The following REPS2 variants were observed in gnomAD, a reference collection of about 807,000 sequenced individuals.
The protein encoded by REPS2 is RALBP1 associated Eps domain containing 2, also known as ralBP1-associated Eps domain-containing protein 2.
Under a neutral mutation model 53.6 loss-of-function variants are expected in REPS2, and 23 were observed. The observed-to-expected ratio is 0.43, with a 90% CI of 0.31 to 0.61. The LOEUF (loss-of-function observed/expected upper bound fraction) is 0.61, where lower values mean the gene tolerates loss of function less well. Ranked by LOEUF, REPS2 falls within the 20% of genes least tolerant of loss-of-function variation. The pLI, the probability that REPS2 is intolerant of heterozygous loss-of-function variation, is 0.11. For synonymous variants in REPS2, 238 were observed against 218.6 expected (o/e 1.09, Z -0.78); for missense variants, 446 against 534.9 (o/e 0.83, Z 1.64).
At chrX:16,953,838 A>G (rs750124308) in intron 1 of REPS2, among the ~76,000 whole-genome samples, 49 of 112,319 alleles carry the variant, frequency 4.4e-4, no homozygotes, top group Non-Finnish European at 8.1e-4. Context: ...GGACTGTTCG[A>G]AACGTGTATG....
chrX:17,107,788 T>G (rs1162423402), intron 14 of REPS2, among the ~76,000 whole-genome samples: 1 of 112,599 alleles, frequency 8.9e-6, no homozygotes, highest in Non-Finnish European at 1.9e-5. Flanking sequence ...GACTAGAGAC[T>G]AGGGCATGGT....
At chrX:17,161,170 G>T in the REPS2 span, among the ~76,000 whole-genome samples, 11 of 111,292 alleles carry the variant, frequency 9.9e-5, no homozygotes, top group Admixed American at 7.7e-4. Flanking sequence ...AATTATAGGG[G>T]CCACCAGAGG....
At chrX:17,050,202 T>TC (rs1569148718) in intron 6 of REPS2, among the ~76,000 whole-genome samples, 20 of 24,221 alleles carry the variant, frequency 8.3e-4, no homozygotes, top group Non-Finnish European at 1.5e-3. Flanking sequence ...TTCTTTTTTT[T>TC]TTTTTTTTGA....
chrX:17,114,920 C>T (rs1003735380), intron 14 of REPS2, among the ~76,000 whole-genome samples: 8 of 112,212 alleles, frequency 7.1e-5, no homozygotes, highest in Non-Finnish European at 1.1e-4. Context: ...GCTGCCACTG[C>T]TCCGGATTGT....
chrX:17,076,672 A>G (rs1221399117), intron 12 of REPS2, among the ~76,000 whole-genome samples: 4 of 112,250 alleles, frequency 3.6e-5, no homozygotes, highest in African/African-American at 1.3e-4. Context: ...TGCCTAGTTA[A>G]TTATGCCTTG....
At chrX:17,063,984 A>G (rs1416157060) in intron 9 of REPS2, among the ~76,000 whole-genome samples, 1 of 110,237 alleles carries the variant, frequency 9.1e-6, no homozygotes, top group Non-Finnish European at 1.9e-5. Context: ...TCTCTCTCTA[A>G]TGTCCTGGAT....
intron 2 of REPS2, among the ~76,000 whole-genome samples, chrX:17,017,323 A>G (rs963181198): frequency 2.7e-5 from 3 of 112,278 alleles, no homozygotes; most frequent in East Asian, 2.8e-4. Flanking sequence ...AGAATGAACT[A>G]TGTGTACAAT....
At chrX:17,171,842 A>G in the REPS2 span, among the ~76,000 whole-genome samples, 2 of 111,296 alleles carry the variant, frequency 1.8e-5, no homozygotes, top group Non-Finnish European at 3.8e-5. Context: ...TATAATTCTT[A>G]TGTTTTTCTT....
chrX:16,953,332 G>A (rs772191104), intron 1 of REPS2, among the ~76,000 whole-genome samples: 5 of 111,421 alleles, frequency 4.5e-5, no homozygotes, highest in Non-Finnish European at 9.4e-5. Flanking sequence ...TTTCAGGCAT[G>A]TAAAACTAGA....
chrX:17,087,941 G>A (rs1221911408), intron 13 of REPS2, among the ~76,000 whole-genome samples: 1 of 61,438 alleles, frequency 1.6e-5, no homozygotes, highest in Non-Finnish European at 3.1e-5. Context: ...TAGATAGATA[G>A]ATAGATAGAT....
intron 5 of REPS2, chrX:17,044,347 G>A (rs2061875073): frequency 9.0e-6 from 1 of 111,445 alleles, no homozygotes; most frequent in Admixed American, 9.5e-5. Context: ...ATCCAGCTTG[G>A]AGATTTCTTC....
In REPS2 at chrX:17,054,916, C is replaced by A. The variant is rs1210325646; in HGVS notation, c.1080C>A (p.Leu360=). 8.3e-7 allele frequency: 1 copy of A among 1,211,637 alleles called. No homozygotes were observed. The highest frequency in any genetic ancestry group is 1.1e-6 in the Non-Finnish European group (1 of 895,383). ...ACGGCTACCCATTGCCTGAGGGCCT[C>A]CCTCCAACTCTGCAGCCAGAATACC... ...RKNGYPLPEG[L]PPTLQPEYLQ... The change falls in exon 8 of 18, where the codon CTC becomes CTA. Residue 360 remains leucine, a synonymous_variant. Coordinates refer to ENST00000357277, the MANE Select transcript of REPS2 (RefSeq NM_004726.3).
chrX:17,019,459 A>G lies in REPS2; in HGVS notation c.398-2664A>G, dbSNP rs1450088731. Among the ~76,000 whole-genome samples the G allele has an allele frequency of 4.5e-5, 5 of 111,765 alleles. No homozygotes were observed. The East Asian group carries it at 1.4e-3, about 31-fold the overall frequency. ...ATAGACCTTCTTCTTGACAGACATC[A>G]TTGTATAGCAGGTACTTTATTGATT... On this transcript the variant is annotated intron_variant, in intron 2 of 17. Coordinates refer to ENST00000357277, the MANE Select transcript of REPS2 (RefSeq NM_004726.3).
chrX:17,181,697 A>G, the REPS2 span, among the ~76,000 whole-genome samples: 1 of 112,468 alleles, frequency 8.9e-6, no homozygotes, highest in South Asian at 3.7e-4. Flanking sequence ...TTCAGGACAT[A>G]CAAATAGGTA....
At chrX:17,082,985 A>G (rs780367602) in intron 13 of REPS2, among the ~76,000 whole-genome samples, 1 of 110,888 alleles carries the variant, frequency 9.0e-6, no homozygotes, top group African/African-American at 3.3e-5. Context: ...ACCTATCTCA[A>G]TCTTCCCTAC....
chrX:17,011,454 T>G (rs1481795854), intron 2 of REPS2, among the ~76,000 whole-genome samples: 1 of 111,610 alleles, frequency 9.0e-6, no homozygotes, highest in African/African-American at 3.3e-5. Context: ...AGGCAGAACC[T>G]AGAGTAGGGT....
rs2061540614 is a variant in REPS2 at position 17,019,355 on chromosome X, T to G, written c.398-2768T>G. On this transcript the variant is annotated intron_variant, in intron 2 of 17. Transcript: ENST00000357277. ...ATTGTCTCCTCAGACCCTCTAAACATTTAGTGTGAACTCTTACTTTGTTTG... is the reference window on the plus strand; with the variant it reads ...ATTGTCTCCTCAGACCCTCTAAACAGTTAGTGTGAACTCTTACTTTGTTTG... Among the ~76,000 whole-genome samples the G allele has an allele frequency of 2.7e-5, 3 of 112,453 alleles. No homozygotes were observed. In the South Asian group the frequency reaches 1.1e-3, roughly 41 times the overall value.
the REPS2 span, among the ~76,000 whole-genome samples, chrX:17,162,520 A>G: frequency 8.9e-6 from 1 of 112,868 alleles, no homozygotes; most frequent in South Asian, 3.7e-4. Flanking sequence ...AATAACTGAG[A>G]AGGTCACCTC....
chrX:17,101,030 G>T lies in REPS2; in HGVS notation c.1517-2688G>T, dbSNP rs868739359. On this transcript the variant is annotated intron_variant, in intron 13 of 17. Coordinates refer to ENST00000357277, the MANE Select transcript of REPS2 (RefSeq NM_004726.3). ...AGGAAAATAACCTATGCCAACTCTTGTTTTTTTTTCTTTTTCTTTTTCTTT... is the reference window on the plus strand; with the variant it reads ...AGGAAAATAACCTATGCCAACTCTTTTTTTTTTTTCTTTTTCTTTTTCTTT... 1.3e-3 allele frequency among the ~76,000 whole-genome samples: 139 copies of T among 103,413 alleles called. No individual in the cohort carries two copies. The Middle Eastern group carries it at 0.025, about 19-fold the overall frequency. The allele number at this position is 103,413 out of a possible 115,157, so 89.8% of individuals were successfully genotyped here.
Sources: gnomAD v4.1 joint callset for allele counts (sites outside exome capture counted in the v4.1 genomes callset) on GRCh38, gnomAD v4.1.1 for gene constraint, MANE v1.5 for transcripts, NCBI Gene and HGNC (gene_info 2026-07-23, HGNC 2026-07-21) for gene names.